Variants in ESRP1 observed in about 807,000 individuals in gnomAD.
The protein encoded by ESRP1 is RNA-binding motif protein 35A.
ESRP1 carries 33 observed loss-of-function variants against 81.7 expected under a neutral mutation model. That is an observed-to-expected ratio of 0.40 (90% CI 0.31 to 0.54). The LOEUF is 0.54. ESRP1 is among the 20% of genes least tolerant of loss of function. ESRP1 has a pLI of 0.41. For synonymous variants in ESRP1, 320 were observed against 303.3 expected (o/e 1.06, Z -0.57); for missense variants, 672 against 833.1 (o/e 0.81, Z 2.38).
intron 15 of ESRP1, among the ~76,000 whole-genome samples, chr8:94,697,994 G>T (rs1809673537): frequency 6.6e-6 from 1 of 152,078 alleles, no homozygotes; most frequent in African/African-American, 2.4e-5. Context: ...TGTTGGCCAG[G>T]CTGGTCTTGA....
intron 4 of ESRP1, among the ~76,000 whole-genome samples, chr8:94,650,775 C>T (rs1320564752): frequency 6.7e-6 from 1 of 149,138 alleles, no homozygotes; most frequent in Non-Finnish European, 1.5e-5. Flanking sequence ...TGCAGGGGCG[C>T]GATCTTGGCT....
chr8:94,693,279 CCTAA>C (rs1473004222), intron 14 of ESRP1, among the ~76,000 whole-genome samples: 2 of 152,098 alleles, frequency 1.3e-5, no homozygotes, highest in Admixed American at 6.5e-5. Context: ...AAAAAAATTG[CCTAA>C]CTCCTAGGAC....
intron 4 of ESRP1, among the ~76,000 whole-genome samples, chr8:94,648,953 G>A (rs1817975161): frequency 6.6e-6 from 1 of 152,208 alleles, no homozygotes. Flanking sequence ...GGGCACGGTG[G>A]CTCATGCCTG....
At chr8:94,684,900 C>A (rs1299537143) in intron 13 of ESRP1, among the ~76,000 whole-genome samples, 1 of 151,662 alleles carries the variant, frequency 6.6e-6, no homozygotes, top group African/African-American at 2.4e-5. Flanking sequence ...ATGGTGGCAC[C>A]CATTTGTAGT....
intron 4 of ESRP1, among the ~76,000 whole-genome samples, chr8:94,659,196 A>T (rs917874804): frequency 2.0e-5 from 3 of 149,802 alleles, no homozygotes. Context: ...TGTTTTGTTT[A>T]AAAAAAAAGA....
chr8:94,678,416 C>T (rs1808729995), intron 13 of ESRP1, 45 bp downstream of exon 13: 2 of 1,590,340 alleles, frequency 1.3e-6, no homozygotes, highest in Non-Finnish European at 1.7e-6. Flanking sequence ...AAACAAAGGA[C>T]TCCTTTGATA....
At chr8:94,647,873 G>T (rs1262103495) in intron 4 of ESRP1, among the ~76,000 whole-genome samples, 1 of 152,162 alleles carries the variant, frequency 6.6e-6, no homozygotes, top group African/African-American at 2.4e-5. Context: ...TGGACATGGT[G>T]GCTTATGTCT....
intron 13 of ESRP1, among the ~76,000 whole-genome samples, chr8:94,685,796 AACC>A (rs1809115459): frequency 7.1e-6 from 1 of 140,038 alleles, no homozygotes; most frequent in Non-Finnish European, 1.6e-5. Flanking sequence ...CAAAAAAAAA[AACC>A]AACAAAAACA....
intron 12 of ESRP1, among the ~76,000 whole-genome samples, chr8:94,676,763 G>T (rs1380722882): frequency 6.6e-6 from 1 of 151,744 alleles, no homozygotes; most frequent in Non-Finnish European, 1.5e-5. Flanking sequence ...CTCCCAAAGT[G>T]CTGAGATTAC....
intron 15 of ESRP1, among the ~76,000 whole-genome samples, chr8:94,704,451 A>T (rs563753803): frequency 1.3e-5 from 2 of 151,910 alleles, no homozygotes; most frequent in South Asian, 4.2e-4. Context: ...CCATCTCTAA[A>T]ATATATATAT....
Position 94,706,221 on chromosome 8 carries a change from G to C in ESRP1, c.*332G>C. On this transcript the variant is annotated 3_prime_UTR_variant, in exon 16 of 16. Coordinates refer to ENST00000433389, the MANE Select transcript of ESRP1 (RefSeq NM_017697.4). ...TTCCAGTTAAAGTGGCATCATAGGT[G>C]TTTCCTAAGTTTTAAGTCTTGGATA... 1 of 372,282 alleles carries C rather than the reference G, an allele frequency of 2.7e-6. No homozygotes were observed. Among genetic ancestry groups the C allele is most frequent in the Non-Finnish European group, 4.8e-6 (1 of 207,016 alleles). The allele number at this position is 372,282 out of a possible 1,614,324, so 23.1% of individuals were successfully genotyped here.
At chr8:94,693,852 A>G (rs939030366) in intron 14 of ESRP1, among the ~76,000 whole-genome samples, 2 of 152,134 alleles carry the variant, frequency 1.3e-5, no homozygotes, top group East Asian at 1.9e-4. Context: ...TACCAGCCCA[A>G]ACCTACCAAG....
rs115160521 is a variant in ESRP1, at chr8:94,647,456, T to C, written c.490+1174T>C. ...AAAGAAATTTACTTTCTCACAGTTC[T>C]GGAGGCTGGGATGTCCAAGATCAGG... On this transcript the variant is annotated intron_variant, in intron 4 of 15. Coordinates refer to ENST00000433389, the MANE Select transcript of ESRP1 (RefSeq NM_017697.4). Among the ~76,000 whole-genome samples, 955 of 152,296 alleles carry C rather than the reference T, an allele frequency of 6.3e-3. 10 individuals carry two copies. The highest frequency in any genetic ancestry group is 0.021 in the African/African-American group (891 of 41,556).
At position 94,671,624 on chromosome 8, in the gene ESRP1, G is replaced by A. The variant is rs542614931; in HGVS notation, c.1405G>A (p.Ala469Thr). The A allele has an allele frequency of 7.7e-5, 124 of 1,613,844 alleles. 2 individuals are homozygous for A. In the South Asian group the frequency reaches 1.1e-3, roughly 14 times the overall value. ...EDILDFLGEFATDIRTHGVHM... is the reference protein window; with the variant it reads ...EDILDFLGEFTTDIRTHGVHM... The stretch of plus-strand genomic sequence containing the variant: ...CATCCTGGATTTCCTGGGGGAGTTC[G>A]CCACAGATATTCGTACTCATGGGGT... Residue 469 changes from alanine (A) to threonine (T), a missense_variant, in exon 11 of 16, where the codon GCC becomes ACC. Transcript: ENST00000433389.
chr8:94,703,888 T>C (rs1045419951), intron 15 of ESRP1, among the ~76,000 whole-genome samples: 2 of 152,182 alleles, frequency 1.3e-5, no homozygotes, highest in African/African-American at 4.8e-5. Flanking sequence ...TTGTTTTCAA[T>C]TCAGGTGCTA....
intron 9 of ESRP1, among the ~76,000 whole-genome samples, chr8:94,665,575 T>C (rs1402439118): frequency 6.6e-6 from 1 of 152,198 alleles, no homozygotes; most frequent in Non-Finnish European, 1.5e-5. Flanking sequence ...CGTTGCGACC[T>C]CTGCCTCCCA....
intron 3 of ESRP1, among the ~76,000 whole-genome samples, chr8:94,645,831 G>T (rs564961666): frequency 1.8e-4 from 27 of 152,256 alleles, no homozygotes; most frequent in Admixed American, 1.3e-3. Context: ...TTCTAAAATG[G>T]TTATGGCTGG....
chr8:94,654,878 C>G (rs1213445087), intron 4 of ESRP1, among the ~76,000 whole-genome samples: 2 of 149,072 alleles, frequency 1.3e-5, no homozygotes, highest in Non-Finnish European at 3.0e-5. Context: ...CTATAGTGAG[C>G]TGTAATCACG....
At position 94,645,700 on chromosome 8, in the gene ESRP1, A is replaced by C. The variant is rs760482064; in HGVS notation, c.376-468A>C. Among the ~76,000 whole-genome samples the C allele has an allele frequency of 8.7e-4, 133 of 152,254 alleles. No homozygotes were observed. In the Middle Eastern group the frequency reaches 0.01, roughly 12 times the overall value. On this transcript the variant is annotated intron_variant, in intron 3 of 15. Coordinates refer to ENST00000433389, the MANE Select transcript of ESRP1 (RefSeq NM_017697.4). ...ATCAGGAATTTACTATTCTAATCTC[A>C]CTTATTACTGAAAATATGCATTATT...
Sources: gnomAD v4.1 joint callset for allele counts (sites outside exome capture counted in the v4.1 genomes callset) on GRCh38, gnomAD v4.1.1 for gene constraint, MANE v1.5 for transcripts, NCBI Gene and HGNC (gene_info 2026-07-23, HGNC 2026-07-21) for gene names.